Variants in LOC400499 observed in about 807,000 individuals in gnomAD.
the LOC400499 span, among the ~76,000 whole-genome samples, chr16:11,498,273 G>A: frequency 4.6e-5 from 7 of 152,280 alleles, no homozygotes; most frequent in Admixed American, 4.6e-4. Context: ...ATGAGCTCAG[G>A]AGTTCGAGAT....
At chr16:11,438,077 C>T in the LOC400499 span, among the ~76,000 whole-genome samples, 2 of 152,148 alleles carry the variant, frequency 1.3e-5, no homozygotes, top group African/African-American at 4.8e-5. Flanking sequence ...CTCAGAGCCT[C>T]ACCCACAAAA....
At chr16:11,378,973 G>A in the LOC400499 span, among the ~76,000 whole-genome samples, 7 of 152,290 alleles carry the variant, frequency 4.6e-5, no homozygotes. Context: ...TATTGAAAGT[G>A]AGGTATTGGG....
the LOC400499 span, chr16:11,461,201 G>A: frequency 1.4e-6 from 2 of 1,455,072 alleles, no homozygotes; most frequent in Non-Finnish European, 1.8e-6. Context: ...AAGGGACTCA[G>A]GTATCACCGA....
At chr16:11,457,060 C>CA in the LOC400499 span, 1 of 1,500,372 alleles carries the variant, frequency 6.7e-7, no homozygotes, top group South Asian at 1.3e-5. Context: ...CCCACCCCCC[C>CA]AAGATGCCAA....
At chr16:11,447,491 C>A in the LOC400499 span, among the ~76,000 whole-genome samples, 3 of 152,168 alleles carry the variant, frequency 2.0e-5, no homozygotes, top group Admixed American at 6.5e-5. Flanking sequence ...AACGAACACT[C>A]TGCCAACGAT....
the LOC400499 span, chr16:11,484,906 G>C: frequency 2.5e-6 from 1 of 399,384 alleles, no homozygotes. Context: ...TCATCCTTCT[G>C]TCTCTGTCTC....
the LOC400499 span, among the ~76,000 whole-genome samples, chr16:11,405,562 C>T: frequency 3.9e-5 from 6 of 152,238 alleles, no homozygotes; most frequent in South Asian, 2.1e-4. Flanking sequence ...AGAGGGACGC[C>T]GTCCCTGCTG....
At chr16:11,446,075 T>C in the LOC400499 span, among the ~76,000 whole-genome samples, 9 of 152,058 alleles carry the variant, frequency 5.9e-5, no homozygotes. Flanking sequence ...TCTGCCCGCC[T>C]TGGCCTCCCA....
At chr16:11,467,710 A>T in the LOC400499 span, among the ~76,000 whole-genome samples, 1 of 152,242 alleles carries the variant, frequency 6.6e-6, no homozygotes, top group African/African-American at 2.4e-5. Context: ...TTGTTACATC[A>T]TCATATCACT....
chr16:11,419,255 T>C, the LOC400499 span, among the ~76,000 whole-genome samples: 1 of 151,890 alleles, frequency 6.6e-6, no homozygotes, highest in African/African-American at 2.4e-5. Context: ...AACAGAGATA[T>C]AGATCAATGG....
chr16:11,506,673 C>A, the LOC400499 span, among the ~76,000 whole-genome samples: 2 of 152,198 alleles, frequency 1.3e-5, no homozygotes, highest in Non-Finnish European at 2.9e-5. Flanking sequence ...CTCTGCCCCC[C>A]ACATCGAAAC....
chr16:11,466,014 T>C, the LOC400499 span, among the ~76,000 whole-genome samples: 3 of 152,158 alleles, frequency 2.0e-5, no homozygotes, highest in African/African-American at 7.2e-5. Context: ...GGCAGAATAT[T>C]TGTAAGAGCA....
chr16:11,380,618 C>T, the LOC400499 span, among the ~76,000 whole-genome samples: 1 of 152,106 alleles, frequency 6.6e-6, no homozygotes, highest in African/African-American at 2.4e-5. Context: ...TTTAATTTGT[C>T]CTTCAAAAGT....
the LOC400499 span, among the ~76,000 whole-genome samples, chr16:11,525,298 A>ACCCCCCC: frequency 2.6e-5 from 4 of 151,704 alleles, no homozygotes; most frequent in African/African-American, 7.3e-5. Context: ...GTCCCAAAAA[A>ACCCCCCC]AAAAAAAAAA....
chr16:11,466,920 ATTGTGTGTGTGTGTGTG>A, the LOC400499 span, among the ~76,000 whole-genome samples: 2 of 127,402 alleles, frequency 1.6e-5, no homozygotes, highest in African/African-American at 2.5e-5. Context: ...GTATATGTGT[ATTGTGTGTGTGTGTGTG>A]TATGCACGCA....
the LOC400499 span, among the ~76,000 whole-genome samples, chr16:11,407,736 A>G: frequency 2.0e-5 from 3 of 152,016 alleles, no homozygotes; most frequent in African/African-American, 7.2e-5. Flanking sequence ...TCTACCACTG[A>G]GAGGTGAGTG....
the LOC400499 span, chr16:11,399,828 G>T: frequency 2.5e-6 from 1 of 398,894 alleles, no homozygotes; most frequent in East Asian, 3.6e-5. Flanking sequence ...GCATTGGGAT[G>T]GGAGGGCAGT....
the LOC400499 span, among the ~76,000 whole-genome samples, chr16:11,445,592 C>T: frequency 5.9e-5 from 9 of 151,984 alleles, no homozygotes; most frequent in African/African-American, 1.2e-4. Flanking sequence ...ACACAGGACA[C>T]GCAGAGGTCC....
chr16:11,374,609 A>C, the LOC400499 span, among the ~76,000 whole-genome samples: 794 of 152,240 alleles, frequency 5.2e-3, 8 homozygotes, highest in African/African-American at 0.018. Flanking sequence ...GGCTTATTTC[A>C]CTTTGTATAA....
Sources: allele counts gnomAD v4.1 joint callset (sites outside exome capture counted in the v4.1 genomes callset), GRCh38; gene constraint gnomAD v4.1.1; transcripts MANE v1.5.